Variants in LDB3 observed in about 807,000 individuals in gnomAD.
LDB3 encodes LIM domain binding 3, also known as LIM domain-binding protein 3.
LDB3 carries 49 observed loss-of-function variants against 69.0 expected under a neutral mutation model. The ratio of observed to expected loss-of-function variants is 0.71; its 90% CI spans 0.56 to 0.90. The LOEUF (loss-of-function observed/expected upper bound fraction) is 0.90. Among genes scored for constraint, LDB3 ranks in the 40% least tolerant of loss-of-function variants. The pLI is 0.00. For synonymous variants in LDB3, 387 were observed against 396.2 expected (o/e 0.98, Z 0.28); for missense variants, 928 against 974.1 (o/e 0.95, Z 0.63).
At chr10:86,674,377 C>T (rs1387025430) in intron 2 of LDB3, among the ~76,000 whole-genome samples, 1 of 152,230 alleles carries the variant, frequency 6.6e-6, no homozygotes, top group East Asian at 1.9e-4. Context: ...CCTCCCCGCC[C>T]CCAGCCCCCA....
chr10:86,725,353 A>G (rs182124067), intron 12 of LDB3, among the ~76,000 whole-genome samples: 371 of 152,306 alleles, frequency 2.4e-3, no homozygotes, highest in Non-Finnish European at 4.5e-3. Context: ...AAACAAAAAG[A>G]TAATAATAGT....
At position 86,735,555 on chromosome 10, in the gene LDB3, G is replaced by C. The variant is rs1190502232; in HGVS notation, c.*2579G>C. The C allele has an allele frequency of 5.4e-4, 82 of 152,092 alleles. No homozygotes were observed. The highest frequency in any genetic ancestry group is 5.1e-3 in the Admixed American group (78 of 15,262). 9.4% of individuals were successfully genotyped at this position (152,092 alleles called of 1,614,324 possible). ...AGCACTTTGGGAGGCCGAGGCAGGT[G>C]AATCACCTGAGGTCAGGAGTTTGAA... On this transcript the variant is annotated 3_prime_UTR_variant, in exon 14 of 14. Coordinates refer to ENST00000361373, the MANE Select transcript of LDB3 (RefSeq NM_007078.3).
In LDB3 at chr10:86,726,184, G is replaced by A. The variant is rs549994359; in HGVS notation, c.2026G>A (p.Val676Met). 2.1e-5 allele frequency: 34 copies of A among 1,614,024 alleles called. No individual in the cohort carries two copies. Among genetic ancestry groups the A allele is most frequent in the South Asian group, 1.3e-4 (12 of 91,064 alleles). ...CAAGTGCCATGGCTGCGATTTCCCC[G>A]TGGAGGCTGGCGACAAGTTTATCGA... ...STKCHGCDFP[V>M]EAGDKFIEAL... is the part of the protein sequence containing the mutation. The change falls in exon 13 of 14, where the codon GTG becomes ATG. Residue 676 changes from valine (V) to methionine (M), a missense_variant. Transcript: ENST00000361373.
chr10:86,683,176 T>C lies in LDB3; in HGVS notation c.689+1373T>C, dbSNP rs1439473609. ...CTGGCCTCAGGCAGAGAGGTCAGCC[T>C]CTGGTGGCCTGGGACTCCCAGGAGA... On this transcript the variant is annotated intron_variant, in intron 5 of 13. Transcript: ENST00000361373. Among the ~76,000 whole-genome samples, 3 of 152,276 alleles carry C rather than the reference T, an allele frequency of 2.0e-5. No individual in the cohort carries two copies. The East Asian group carries it at 5.8e-4, about 29-fold the overall frequency.
intron 7 of LDB3, among the ~76,000 whole-genome samples, chr10:86,697,293 C>G (rs1846044480): frequency 7.8e-6 from 1 of 128,216 alleles, no homozygotes. Flanking sequence ...GCGATCTCGG[C>G]TTACTGCAAC....
chr10:86,683,080 T>G (rs895805800), intron 5 of LDB3, among the ~76,000 whole-genome samples: 1 of 152,226 alleles, frequency 6.6e-6, no homozygotes, highest in African/African-American at 2.4e-5. Flanking sequence ...ACTCAGGGAA[T>G]AGTAGAACAG....
At chr10:86,710,840 A>G (rs1011489560) in intron 9 of LDB3, among the ~76,000 whole-genome samples, 2 of 152,166 alleles carry the variant, frequency 1.3e-5, no homozygotes, top group Admixed American at 1.3e-4. Context: ...CCCGAGACAG[A>G]GGCCGGTGCC....
chr10:86,677,112 C>G (rs1844834372), intron 2 of LDB3, among the ~76,000 whole-genome samples: 1 of 152,232 alleles, frequency 6.6e-6, no homozygotes. Context: ...ACACTTCCAG[C>G]CACAGCTTGT....
chr10:86,706,417 G>T, intron 7 of LDB3, 114 bp from the exon 8 acceptor site: 1 of 1,130,854 alleles, frequency 8.8e-7, no homozygotes, highest in Non-Finnish European at 1.3e-6. Flanking sequence ...TGCAAGGCAG[G>T]TGGAGCTTTC....
rs45529243 is a variant in LDB3 at position 86,726,101 on chromosome 10, C to T, written c.1979-36C>T. 3,369 of 1,511,824 alleles carry T rather than the reference C, an allele frequency of 2.2e-3. 13 individuals carry two copies. The highest frequency in any genetic ancestry group is 8.0e-3 in the African/African-American group (587 of 73,092). 93.7% of individuals were successfully genotyped at this position (1,511,824 alleles called of 1,614,324 possible). A position where few individuals can be genotyped will look rare whatever the true frequency, so the allele number is the denominator to read the frequency against. Reference sequence around the variant, plus strand: ...TGGCTTTGGGTCCCCGCTGCCCCCACTGGGTGCGGGGTCTTCACTCTGCTT... The same window carrying T: ...TGGCTTTGGGTCCCCGCTGCCCCCATTGGGTGCGGGGTCTTCACTCTGCTT... On this transcript the variant is annotated intron_variant, in intron 12 of 13. Transcript: ENST00000361373.
intron 4 of LDB3, among the ~76,000 whole-genome samples, chr10:86,680,461 G>A (rs969223338): frequency 6.6e-6 from 1 of 152,196 alleles, no homozygotes; most frequent in African/African-American, 2.4e-5. Context: ...CCAGGAGAGG[G>A]GTCACCCTCC....
intron 7 of LDB3, among the ~76,000 whole-genome samples, chr10:86,701,344 C>T (rs757017306): frequency 3.3e-5 from 5 of 152,184 alleles, no homozygotes; most frequent in Admixed American, 6.5e-5. Context: ...TAAGAGTTGG[C>T]GGGCTCTTGG....
intron 12 of LDB3, among the ~76,000 whole-genome samples, chr10:86,719,354 T>C (rs1461592621): frequency 6.6e-6 from 1 of 151,372 alleles, no homozygotes. Flanking sequence ...ATAGCACCAC[T>C]GTATTCAGCC....
intron 5 of LDB3, among the ~76,000 whole-genome samples, chr10:86,689,017 G>A (rs1845636783): frequency 6.7e-6 from 1 of 150,368 alleles, no homozygotes; most frequent in Non-Finnish European, 1.5e-5. Context: ...ACGCAGCCAC[G>A]CTGAGCTGAC....
In LDB3 at chr10:86,734,834, A is replaced by G. The variant is rs1005957227; in HGVS notation, c.*1858A>G. Reference sequence around the variant, plus strand: ...AGTAAAATCTGCTGGGACTGCCTGGAGATTTGTCAGGAGCTGCAGACAAGT... The same window carrying G: ...AGTAAAATCTGCTGGGACTGCCTGGGGATTTGTCAGGAGCTGCAGACAAGT... On this transcript the variant is annotated 3_prime_UTR_variant, in exon 14 of 14. Coordinates refer to ENST00000361373, the MANE Select transcript of LDB3 (RefSeq NM_007078.3). 3.3e-5 allele frequency: 5 copies of G among 152,152 alleles called. No individual in the cohort carries two copies. The highest frequency in any genetic ancestry group is 9.7e-5 in the African/African-American group (4 of 41,414). The allele number at this position is 152,152 out of a possible 1,614,324, so 9.4% of individuals were successfully genotyped here. A position where few individuals can be genotyped will look rare whatever the true frequency, so the allele number is the denominator to read the frequency against.
chr10:86,679,358 T>C lies in LDB3; in HGVS notation c.94-9T>C, dbSNP rs1282721488. The C allele has an allele frequency of 1.2e-6, 2 of 1,613,910 alleles. No homozygotes were observed. Among genetic ancestry groups the C allele is most frequent in the East Asian group, 2.2e-5 (1 of 44,884 alleles). On this transcript the variant is annotated splice_polypyrimidine_tract_variant and intron_variant, in intron 2 of 13. Transcript: ENST00000361373. ...TTATGCTCACCCCCCACCTCCACTATCCAATCAGATCACACCAGGCAGCAA... is the reference window on the plus strand; with the variant it reads ...TTATGCTCACCCCCCACCTCCACTACCCAATCAGATCACACCAGGCAGCAA...
At chr10:86,716,169 G>T (rs918259527) in intron 9 of LDB3, among the ~76,000 whole-genome samples, 158 bp from the exon 10 acceptor site, 1 of 152,162 alleles carries the variant, frequency 6.6e-6, no homozygotes, top group Non-Finnish European at 1.5e-5. Context: ...TCAAATCTGG[G>T]CCATCAAGAA....
In LDB3 at chr10:86,718,845, AAGGT is replaced by A. The variant is rs1554864768; in HGVS notation, c.1978+2_1978+5del. On this transcript the variant is annotated splice_donor_variant and coding_sequence_variant, in exon 12 of 14. Coordinates refer to ENST00000361373, the MANE Select transcript of LDB3 (RefSeq NM_007078.3). LOFTEE classifies it high-confidence loss of function. ...GAAGACGGGGAGCCCTACTGCGAGAAAGGTAGGAACACTTCGATGGCATGTGGGG... is the reference window on the plus strand; with the variant it reads ...GAAGACGGGGAGCCCTACTGCGAGAAAGGAACACTTCGATGGCATGTGGGG... 11 of 1,614,072 alleles carry A rather than the reference AAGGT, an allele frequency of 6.8e-6. No individual in the cohort carries two copies. The highest frequency in any genetic ancestry group is 9.3e-6 in the Non-Finnish European group (11 of 1,179,998).
intron 7 of LDB3, among the ~76,000 whole-genome samples, chr10:86,701,291 G>A (rs1461435339): frequency 3.3e-5 from 5 of 152,212 alleles, no homozygotes; most frequent in Non-Finnish European, 5.9e-5. Flanking sequence ...GAGAGGTCCT[G>A]GGCAATGGGT....
Sources: allele counts gnomAD v4.1 joint callset (sites outside exome capture counted in the v4.1 genomes callset), GRCh38; gene constraint gnomAD v4.1.1; transcripts MANE v1.5; gene names NCBI Gene and HGNC (gene_info 2026-07-23, HGNC 2026-07-21).